Variants in EYA3 observed in about 807,000 individuals in gnomAD.
EYA3 encodes the protein EYA transcriptional coactivator and phosphatase 3, also known as protein phosphatase EYA3.
Under a neutral mutation model 80.0 loss-of-function variants are expected in EYA3, and 39 were observed. The ratio of observed to expected loss-of-function variants is 0.49; its 90% confidence interval spans 0.38 to 0.64. EYA3 has a LOEUF of 0.64. Among genes scored for constraint, EYA3 ranks in the 30% least tolerant of loss-of-function variants. EYA3 has a pLI of 0.00. For synonymous variants in EYA3, 206 were observed against 232.8 expected (o/e 0.88, Z 1.05); for missense variants, 523 against 676.1 (o/e 0.77, Z 2.51).
At chr1:28,065,273 AT>A (rs953977291) in intron 1 of EYA3, among the ~76,000 whole-genome samples, 22 of 151,904 alleles carry the variant, frequency 1.4e-4, no homozygotes, top group Admixed American at 3.9e-4. Flanking sequence ...CTTACCATAG[AT>A]TTTTTTTCTT....
At chr1:27,998,065 T>A (rs1413402669) in intron 12 of EYA3, among the ~76,000 whole-genome samples, 4 of 152,198 alleles carry the variant, frequency 2.6e-5, no homozygotes, top group African/African-American at 9.7e-5. Flanking sequence ...ACTACTGACA[T>A]AAAATGCCGC....
chr1:28,011,568 T>C (rs1641700130), intron 9 of EYA3, among the ~76,000 whole-genome samples: 1 of 152,120 alleles, frequency 6.6e-6, no homozygotes, highest in African/African-American at 2.4e-5. Flanking sequence ...TTGCCAACAG[T>C]TGAAAACAAC....
In EYA3 at chr1:27,989,744, A is replaced by T; in HGVS notation, c.1371T>A (p.Asp457Glu). 6.2e-7 allele frequency: 1 copy of T among 1,612,264 alleles called. No homozygotes were observed. The highest frequency in any genetic ancestry group is 2.2e-5 in the East Asian group (1 of 44,660). ...RLRAEIEVLT[D>E]SWLGTALKSL... ...ACTTTAATGCAGTTCCTAACCAGGAATCTGTTAAAACTTCAATTTCTGCTC... is the reference window on the plus strand; with the variant it reads ...ACTTTAATGCAGTTCCTAACCAGGATTCTGTTAAAACTTCAATTTCTGCTC... The change falls in exon 15 of 18, where the codon GAT (aspartate) becomes GAA (glutamate). Residue 457 changes from aspartate to glutamate, a missense_variant. By Grantham distance (45) the Asp-to-Glu change is conservative (BLOSUM62 2). Coordinates refer to ENST00000373871, the MANE Select transcript of EYA3 (RefSeq NM_001990.4).
At chr1:28,063,920 G>A (rs1644734345) in intron 1 of EYA3, among the ~76,000 whole-genome samples, 1 of 151,842 alleles carries the variant, frequency 6.6e-6, no homozygotes, top group South Asian at 2.1e-4. Flanking sequence ...ACTTTGGGGG[G>A]GAAGGTAGAA....
intron 10 of EYA3, among the ~76,000 whole-genome samples, chr1:28,008,388 GAAAAC>G (rs1013726913): frequency 4.0e-5 from 6 of 151,192 alleles, no homozygotes; most frequent in Non-Finnish European, 7.4e-5. Context: ...ATTACACCAA[GAAAAC>G]AAAACAAAAC....
chr1:28,035,092 A>G (rs1039823586), intron 6 of EYA3, among the ~76,000 whole-genome samples: 3 of 152,180 alleles, frequency 2.0e-5, no homozygotes, highest in African/African-American at 7.2e-5. Flanking sequence ...CAGCAGAACA[A>G]TATCTGATCA....
intron 2 of EYA3, among the ~76,000 whole-genome samples, chr1:28,053,306 A>G (rs1644333656): frequency 6.6e-6 from 1 of 152,182 alleles, no homozygotes; most frequent in Non-Finnish European, 1.5e-5. Flanking sequence ...TGTAAATTAC[A>G]TGTCAATAAA....
intron 17 of EYA3, among the ~76,000 whole-genome samples, chr1:27,978,037 T>C (rs963885693): frequency 1.4e-4 from 22 of 152,038 alleles, no homozygotes; most frequent in African/African-American, 5.3e-4. Context: ...TGATTAGCCT[T>C]TTTGCAGTCA....
At chr1:28,017,809 G>C (rs189175656) in intron 7 of EYA3, among the ~76,000 whole-genome samples, 3 of 152,262 alleles carry the variant, frequency 2.0e-5, no homozygotes, top group East Asian at 1.9e-4. Flanking sequence ...ATAGCATTTA[G>C]AGACTTTAAC....
chr1:28,022,054 T>C (rs1359153300), intron 7 of EYA3, among the ~76,000 whole-genome samples: 1 of 152,242 alleles, frequency 6.6e-6, no homozygotes, highest in Non-Finnish European at 1.5e-5. Flanking sequence ...TTCGTTCACT[T>C]AATCCTTTAT....
intron 1 of EYA3, among the ~76,000 whole-genome samples, chr1:28,069,830 T>C (rs148239403): frequency 2.0e-5 from 3 of 152,312 alleles, no homozygotes; most frequent in African/African-American, 7.2e-5. Context: ...GATGAGATTA[T>C]ACATAGGCCC....
chr1:28,050,175 TTTA>T (rs370930213), intron 2 of EYA3, among the ~76,000 whole-genome samples: 4,702 of 133,512 alleles, frequency 0.035, 263 homozygotes, highest in African/African-American at 0.12. Flanking sequence ...TTACTTTTTA[TTTA>T]TTATTATTAT....
intron 10 of EYA3, among the ~76,000 whole-genome samples, chr1:28,010,081 G>T (rs1005498977): frequency 1.3e-5 from 2 of 151,970 alleles, no homozygotes; most frequent in Non-Finnish European, 2.9e-5. Context: ...TTCAAATACA[G>T]GCTCAGTTCA....
intron 1 of EYA3, among the ~76,000 whole-genome samples, chr1:28,067,304 G>A (rs1231980608): frequency 1.3e-5 from 2 of 152,184 alleles, no homozygotes; most frequent in East Asian, 1.9e-4. Context: ...TAACTACACT[G>A]TAACTGTAAA....
chr1:28,073,322 A>G (rs1271984085), intron 1 of EYA3, among the ~76,000 whole-genome samples: 1 of 120,580 alleles, frequency 8.3e-6, no homozygotes, highest in Non-Finnish European at 1.7e-5. Flanking sequence ...TTTTGAGATG[A>G]TGTCTTCCTC....
In EYA3 at chr1:27,974,278, AGAGGCAGAGAGG is replaced by A. The variant is rs1269859648; in HGVS notation, c.*176_*187del. 5 of 425,588 alleles carry A rather than the reference AGAGGCAGAGAGG, an allele frequency of 1.2e-5. No homozygotes were observed. The highest frequency in any genetic ancestry group is 9.7e-5 in the South Asian group (3 of 30,820). The allele number at this position is 425,588 out of a possible 1,614,324, so 26.4% of individuals were successfully genotyped here. ...TAAAGACAGAGAGAGAGAGAGAGAG[AGAGGCAGAGAGG>A]GAGGGAGAGAGGAAGGGAGGGAGGG... On this transcript the variant is annotated 3_prime_UTR_variant, in exon 18 of 18. Transcript: ENST00000373871.
intron 6 of EYA3, among the ~76,000 whole-genome samples, chr1:28,032,766 T>A (rs1193443750): frequency 3.9e-5 from 6 of 152,228 alleles, no homozygotes; most frequent in African/African-American, 1.4e-4. Context: ...CATATAGCCT[T>A]CTTAGATTTC....
Position 28,011,059 on chromosome 1 carries a change from G to A in EYA3, c.797C>T (p.Ser266Phe). Residue 266 changes from serine (S) to phenylalanine (F), a missense_variant, in exon 10 of 18, where the codon TCC (serine) becomes TTC (phenylalanine). Coordinates refer to ENST00000373871, the MANE Select transcript of EYA3 (RefSeq NM_001990.4). ...AGTATCTTTACTTGGTGTAGTCTGG[G>A]ACAAAGATGGACTTGTAGAAGGGTC... ...SGDPSTSPSL[S>F]QTTPSKDTDD... is the part of the protein sequence containing the mutation. The A allele has an allele frequency of 6.2e-7, 1 of 1,613,288 alleles. No homozygotes were observed. The highest frequency in any genetic ancestry group is 8.5e-7 in the Non-Finnish European group (1 of 1,179,796).
rs114092632 is a variant in EYA3, at chr1:27,983,452, T to C, written c.1541-4978A>G. ...ATTGTTAGATTTAAGTTTTTGTCTA[T>C]CTGATGGTTGGAGAATGTACCACAT... is the stretch of plus-strand genomic sequence containing the variant. On this transcript the variant is annotated intron_variant, in intron 16 of 17. Coordinates refer to ENST00000373871, the MANE Select transcript of EYA3 (RefSeq NM_001990.4). Among the ~76,000 whole-genome samples the C allele has an allele frequency of 4.6e-3, 700 of 152,360 alleles. 5 individuals carry two copies. Among genetic ancestry groups the C allele is most frequent in the African/African-American group, 0.016 (670 of 41,584 alleles).
Sources: gnomAD v4.1 joint callset for allele counts (sites outside exome capture counted in the v4.1 genomes callset) on GRCh38, gnomAD v4.1.1 for gene constraint, MANE v1.5 for transcripts, NCBI Gene and HGNC (gene_info 2026-07-23, HGNC 2026-07-21) for gene names.